The following VPS45 variants were observed in gnomAD, a reference collection of about 807,000 sequenced individuals.
The protein encoded by VPS45 is vacuolar protein sorting 45 homolog.
Under a neutral mutation model 75.9 loss-of-function variants are expected in VPS45, and 35 were observed. The observed-to-expected ratio is 0.46, with a 90% CI of 0.35 to 0.61. The LOEUF is 0.61. Among genes scored for constraint, VPS45 ranks in the 20% least tolerant of loss-of-function variants. The pLI is 0.00. For missense variants in VPS45, 559 were observed against 685.9 expected (o/e 0.81, Z 2.07); for synonymous variants, 220 against 238.2 (o/e 0.92, Z 0.70).
At chr1:150,124,087 G>A (rs1553810162) in intron 14 of VPS45, among the ~76,000 whole-genome samples, 1 of 152,048 alleles carries the variant, frequency 6.6e-6, no homozygotes, top group Non-Finnish European at 1.5e-5. Flanking sequence ...TTCCCCATAA[G>A]TAGCAAAGAC....
At chr1:150,120,018 G>C (rs1202537461) in intron 14 of VPS45, among the ~76,000 whole-genome samples, 1 of 152,198 alleles carries the variant, frequency 6.6e-6, no homozygotes, top group Non-Finnish European at 1.5e-5. Flanking sequence ...TGAGGCAGGA[G>C]AATCGCTTGA....
At chr1:150,110,286 A>C (rs1201522439) in intron 13 of VPS45, 2 of 467,688 alleles carry the variant, frequency 4.3e-6, no homozygotes, top group Non-Finnish European at 7.6e-6. Flanking sequence ...CCGCTCATAA[A>C]CAGAAAGCAA....
At chr1:150,082,627 AC>A (rs1655780540) in intron 9 of VPS45, 88 bp from the exon 10 acceptor site, 1 of 1,488,824 alleles carries the variant, frequency 6.7e-7, no homozygotes, top group African/African-American at 1.4e-5. Context: ...CTGAAAAACA[AC>A]CCCCGCTTTC....
chr1:150,074,217 C>T (rs1655242602), intron 3 of VPS45, among the ~76,000 whole-genome samples: 1 of 151,792 alleles, frequency 6.6e-6, no homozygotes, highest in African/African-American at 2.4e-5. Flanking sequence ...CAGGGTTTCA[C>T]CGTGTTGGTT....
chr1:150,068,876 T>C, intron 2 of VPS45, 112 bp downstream of exon 2: 1 of 1,203,592 alleles, frequency 8.3e-7, no homozygotes, highest in Non-Finnish European at 1.1e-6. Context: ...GCATCATAAT[T>C]ATCCTGGTTC....
intron 13 of VPS45, chr1:150,099,057 A>G: frequency 2.7e-6 from 3 of 1,104,176 alleles, no homozygotes; most frequent in South Asian, 4.3e-5. Flanking sequence ...CCTGCAGTAA[A>G]TGCTCATAAG....
chr1:150,118,794 G>A (rs1392993699), intron 14 of VPS45, among the ~76,000 whole-genome samples: 3 of 152,174 alleles, frequency 2.0e-5, no homozygotes, highest in African/African-American at 7.2e-5. Flanking sequence ...GTCAGCGTTG[G>A]TATCTCTGTG....
intron 14 of VPS45, among the ~76,000 whole-genome samples, chr1:150,143,348 G>A (rs1346757483): frequency 6.6e-6 from 1 of 152,118 alleles, no homozygotes; most frequent in African/African-American, 2.4e-5. Flanking sequence ...CCAGCACTTT[G>A]GGAGGCTGAA....
Position 150,081,415 on chromosome 1 carries a change from G to T in VPS45, c.761G>T (p.Gly254Val). 6.2e-7 allele frequency: 1 copy of T among 1,607,536 alleles called. No homozygotes were observed. Among genetic ancestry groups the T allele is most frequent in the Non-Finnish European group, 8.5e-7 (1 of 1,178,206 alleles). The change falls in exon 8 of 15, where the codon GGA becomes GTA. Residue 254 changes from glycine to valine, a missense_variant. Gly to Val is a moderately radical substitution (Grantham distance 109). Coordinates refer to ENST00000644510, the MANE Select transcript of VPS45 (RefSeq NM_007259.5). ...CGGATTGATCTTTCCAGAGTGCCGG[G>T]AATCAGTAAAGACTTAAGAGAAGTG... Reference protein sequence around the residue: ...NNRIDLSRVPGISKDLREVVL... With the variant: ...NNRIDLSRVPVISKDLREVVL...
chr1:150,068,879 C>A, intron 2 of VPS45, 115 bp downstream of exon 2: 1 of 1,160,760 alleles, frequency 8.6e-7, no homozygotes, highest in South Asian at 1.8e-5. Context: ...TCATAATTAT[C>A]CTGGTTCATC....
chr1:150,144,747 G>C lies in VPS45; in HGVS notation c.1664G>C (p.Arg555Pro), dbSNP rs142968690. 53 of 1,614,002 alleles carry C rather than the reference G, an allele frequency of 3.3e-5. No individual in the cohort carries two copies. In the South Asian group the frequency reaches 5.3e-4, roughly 16 times the overall value. The change falls in exon 15 of 15, where the codon CGA becomes CCA. Residue 555 changes from arginine to proline, a missense_variant. Physicochemically the swap from Arg to Pro is moderately radical, Grantham distance 103. Coordinates refer to ENST00000644510, the MANE Select transcript of VPS45 (RefSeq NM_007259.5). ...EEVLASGLHS[R>P]SKESSQVTSR... ...GTTCTGGCTTCTGGACTGCACAGCC[G>C]AAGCAAGGAGAGCTCTCAAGTCACA...
chr1:150,101,145 C>T (rs1419809428), intron 13 of VPS45, among the ~76,000 whole-genome samples: 1 of 151,724 alleles, frequency 6.6e-6, no homozygotes, highest in African/African-American at 2.4e-5. Context: ...TGGCTGGCAC[C>T]TGTAATTGTG....
At chr1:150,143,062 C>T (rs1259785729) in intron 14 of VPS45, 2 of 242,952 alleles carry the variant, frequency 8.2e-6, no homozygotes, top group East Asian at 2.5e-4. Flanking sequence ...CCCTGGAGAT[C>T]TAAGGTGAGT....
intron 14 of VPS45, among the ~76,000 whole-genome samples, chr1:150,131,108 G>A (rs1278833080): frequency 2.0e-5 from 3 of 152,098 alleles, no homozygotes; most frequent in Admixed American, 2.0e-4. Context: ...TAAACTGCCG[G>A]CCAGAAAAAT....
intron 10 of VPS45, among the ~76,000 whole-genome samples, chr1:150,084,906 T>C (rs1468137010): frequency 1.3e-5 from 2 of 151,066 alleles, no homozygotes; most frequent in Non-Finnish European, 2.9e-5. Context: ...TCCCTTCCTC[T>C]AAGCATGATT....
rs940649578 is a variant in VPS45 at position 150,107,411 on chromosome 1, G to A, written c.1494-3085G>A. Among the ~76,000 whole-genome samples the A allele has an allele frequency of 7.9e-5, 12 of 152,262 alleles. No individual in the cohort carries two copies. The East Asian group carries it at 2.1e-3, about 27-fold the overall frequency. On this transcript the variant is annotated intron_variant, in intron 13 of 14. Transcript: ENST00000644510. The stretch of plus-strand genomic sequence containing the variant: ...CCCCTATCCTCCACATTCAGTCATT[G>A]ACCAAATACTGAAGAATATGTATTT...
chr1:150,116,431 A>G (rs587682955), intron 14 of VPS45, among the ~76,000 whole-genome samples: 2 of 152,300 alleles, frequency 1.3e-5, no homozygotes, highest in African/African-American at 4.8e-5. Context: ...AATTCATTGA[A>G]TCCTCACATA....
chr1:150,071,254 A>C (rs900450797), intron 2 of VPS45, among the ~76,000 whole-genome samples: 3 of 152,164 alleles, frequency 2.0e-5, no homozygotes, highest in Admixed American at 6.6e-5. Context: ...ATGTAATTGG[A>C]ATCTTATATT....
At chr1:150,098,797 A>C in intron 13 of VPS45, 1 of 1,088,170 alleles carries the variant, frequency 9.2e-7, no homozygotes, top group South Asian at 1.4e-5. Flanking sequence ...CATTCTGCAG[A>C]TGGGATTCTT....
Sources: gnomAD v4.1 joint callset for allele counts (sites outside exome capture counted in the v4.1 genomes callset) on GRCh38, gnomAD v4.1.1 for gene constraint, MANE v1.5 for transcripts, NCBI Gene and HGNC (gene_info 2026-07-23, HGNC 2026-07-21) for gene names.